Variants in SLC16A4 observed in about 807,000 individuals in gnomAD.
The protein encoded by SLC16A4 is probable monocarboxylate transporter 5.
Under a neutral mutation model 47.9 loss-of-function variants are expected in SLC16A4, and 39 were observed. The observed-to-expected ratio is 0.81, with a 90% confidence interval of 0.63 to 1.06. The LOEUF (loss-of-function observed/expected upper bound fraction) is 1.06. Ranked by LOEUF, SLC16A4 falls within the 50% of genes least tolerant of loss-of-function variation. The probability of loss-of-function intolerance (pLI) is 0.00; values close to 1 mark genes in which losing one functional copy is unlikely to be tolerated. For synonymous variants in SLC16A4, 189 were observed against 199.9 expected (o/e 0.95, Z 0.46); for missense variants, 524 against 573.8 (o/e 0.91, Z 0.89).
chr1:110,378,987 G>A lies in SLC16A4; in HGVS notation c.896C>T (p.Pro299Leu), dbSNP rs1239495322. The A allele has an allele frequency of 1.9e-6, 3 of 1,614,130 alleles. No homozygotes were observed. Among genetic ancestry groups the A allele is most frequent in the South Asian group, 2.2e-5 (2 of 91,086 alleles). ...QLFDISLFRN[P>L]FFYIFTWSFL... ...AGACCAAGTAAATATGTAGAAGAAAGGATTTCTAAAGAGAGAAATGTCAAA... is the reference window on the plus strand; with the variant it reads ...AGACCAAGTAAATATGTAGAAGAAAAGATTTCTAAAGAGAGAAATGTCAAA... The change falls in exon 6 of 9, where the codon CCT becomes CTT. Residue 299 changes from proline (P) to leucine (L), a missense_variant. By Grantham distance (98) the Pro-to-Leu change is moderately conservative. Coordinates refer to ENST00000369779, the MANE Select transcript of SLC16A4 (RefSeq NM_004696.3).
rs769121356 is a variant in SLC16A4 at position 110,363,746 on chromosome 1, T to A, written c.*20A>T. 1 of 1,590,772 alleles carries A rather than the reference T, an allele frequency of 6.3e-7. No homozygotes were observed. Among genetic ancestry groups the A allele is most frequent in the South Asian group, 1.2e-5 (1 of 85,588 alleles). On this transcript the variant is annotated 3_prime_UTR_variant, in exon 9 of 9. Coordinates refer to ENST00000369779, the MANE Select transcript of SLC16A4 (RefSeq NM_004696.3). ...GGTTTTCTTTTGTTTAGCTCTCACT[T>A]GATTGCAGTCTTCTTTCTTTCAGGT...
intron 8 of SLC16A4, among the ~76,000 whole-genome samples, 195 bp from the exon 9 acceptor site, chr1:110,364,088 A>G (rs966065322): frequency 5.9e-5 from 9 of 152,180 alleles, no homozygotes; most frequent in Non-Finnish European, 1.3e-4. Context: ...ACCATCTCCA[A>G]TCTTACAGTG....
Position 110,383,813 on chromosome 1 carries a change from T to TTTG in SLC16A4, c.88-848_88-847insCAA, listed in dbSNP as rs1553230780. Among the ~76,000 whole-genome samples the TTTG allele has an allele frequency of 2.3e-3, 244 of 106,710 alleles. 1 individual carries two copies. Among genetic ancestry groups the TTTG allele is most frequent in the Non-Finnish European group, 4.2e-3 (207 of 49,842 alleles). The allele number at this position is 106,710 out of a possible 152,430, so 70.0% of individuals were successfully genotyped here. Reference sequence around the variant, plus strand: ...AGGGCTGTTAAAAGGAGGTTTTTTTTTTTTTTTTTTTTTTTTTTTGGAAAC... The same window carrying TTTG: ...AGGGCTGTTAAAAGGAGGTTTTTTTTTTGTTTTTTTTTTTTTTTTTTTGGAAAC... On this transcript the variant is annotated intron_variant, in intron 2 of 8. Transcript: ENST00000369779.
At chr1:110,377,276 A>G in intron 6 of SLC16A4, 115 bp from the exon 7 acceptor site, 2 of 800,006 alleles carry the variant, frequency 2.5e-6, no homozygotes, top group Non-Finnish European at 4.0e-6. Flanking sequence ...ATGTGAGGAA[A>G]AAAATGATTT....
chr1:110,363,198 G>T lies in SLC16A4; in HGVS notation c.*568C>A, dbSNP rs1200957351. On this transcript the variant is annotated 3_prime_UTR_variant, in exon 9 of 9. Coordinates refer to ENST00000369779, the MANE Select transcript of SLC16A4 (RefSeq NM_004696.3). ...GTTTGGATTTATTATGGTACATTCC[G>T]ATTTCTATTTAATACATAAGGTACC... 1 of 152,142 alleles carries T rather than the reference G, an allele frequency of 6.6e-6. No homozygotes were observed. Among genetic ancestry groups the T allele is most frequent in the Non-Finnish European group, 1.5e-5 (1 of 68,048 alleles). 9.4% of individuals were successfully genotyped at this position (152,142 alleles called of 1,614,324 possible).
At chr1:110,372,690 G>A (rs1661746896) in intron 8 of SLC16A4, 1 of 152,182 alleles carries the variant, frequency 6.6e-6, no homozygotes, top group Non-Finnish European at 1.5e-5. Context: ...TAAGATACTA[G>A]GAGCACGTCC....
intron 2 of SLC16A4, 97 bp downstream of exon 2, chr1:110,389,140 G>T: frequency 4.7e-6 from 5 of 1,064,010 alleles, no homozygotes; most frequent in African/African-American, 1.6e-5. Context: ...AGATGCCAAA[G>T]ATTTCCTAAG....
Position 110,379,261 on chromosome 1 carries a change from T to A in SLC16A4, c.622A>T (p.Ile208Phe), listed in dbSNP as rs929737839. The A allele has an allele frequency of 1.2e-6, 2 of 1,614,070 alleles. No individual in the cohort carries two copies. Among genetic ancestry groups the A allele is most frequent in the Non-Finnish European group, 1.7e-6 (2 of 1,180,036 alleles). ...GACAAACTGCTGCCTTTATCTTTAA[T>A]ACCAGAATTGTTCTCACTTTTGATA... ...IHIKSENNSG[I>F]KDKGSSLSAH... Residue 208 changes from isoleucine (I) to phenylalanine (F), a missense_variant, in exon 6 of 9, where the codon ATT (isoleucine) becomes TTT (phenylalanine). Ile to Phe is a conservative substitution (Grantham distance 21). Coordinates refer to ENST00000369779, the MANE Select transcript of SLC16A4 (RefSeq NM_004696.3).
At chr1:110,386,634 T>A (rs1340709542) in intron 2 of SLC16A4, among the ~76,000 whole-genome samples, 1 of 152,226 alleles carries the variant, frequency 6.6e-6, no homozygotes, top group Non-Finnish European at 1.5e-5. Context: ...AATTATTGTC[T>A]GGGAAAGGAG....
At chr1:110,369,104 A>G (rs984062444) in intron 8 of SLC16A4, among the ~76,000 whole-genome samples, 2 of 151,768 alleles carry the variant, frequency 1.3e-5, no homozygotes, top group Non-Finnish European at 2.9e-5. Context: ...ACAGGTGCAC[A>G]CCACTACGCC....
intron 2 of SLC16A4, among the ~76,000 whole-genome samples, chr1:110,383,805 G>GTTTTTT (rs71096348): frequency 1.4e-4 from 9 of 65,760 alleles, no homozygotes; most frequent in South Asian, 1.2e-3. Flanking sequence ...TTAAAAGGAG[G>GTTTTTT]TTTTTTTTTT....
At chr1:110,382,624 GCTTT>G (rs1292385046) in intron 3 of SLC16A4, among the ~76,000 whole-genome samples, 2 of 152,144 alleles carry the variant, frequency 1.3e-5, no homozygotes, top group African/African-American at 4.8e-5. Context: ...TAATTCCTCA[GCTTT>G]CTTTGTTTGA....
Position 110,363,503 on chromosome 1 carries a change from G to T in SLC16A4, c.*263C>A. On this transcript the variant is annotated 3_prime_UTR_variant, in exon 9 of 9. Coordinates refer to ENST00000369779, the MANE Select transcript of SLC16A4 (RefSeq NM_004696.3). Reference sequence around the variant, plus strand: ...TAGCTGGGTGTGGTGGCGTGTGCCTGTAGTCCCAGCTACTTGGGAGGCTGA... The same window carrying T: ...TAGCTGGGTGTGGTGGCGTGTGCCTTTAGTCCCAGCTACTTGGGAGGCTGA... 4.6e-6 allele frequency: 1 copy of T among 216,652 alleles called. No individual in the cohort carries two copies. The highest frequency in any genetic ancestry group is 9.1e-6 in the Non-Finnish European group (1 of 109,746). The allele number at this position is 216,652 out of a possible 1,614,324, so 13.4% of individuals were successfully genotyped here. A position where few individuals can be genotyped will look rare whatever the true frequency, so the allele number is the denominator to read the frequency against.
At chr1:110,381,173 A>T (rs1249531533) in intron 4 of SLC16A4, 30 bp from the exon 5 acceptor site, 1 of 1,600,958 alleles carries the variant, frequency 6.2e-7, no homozygotes, top group Admixed American at 1.7e-5. Flanking sequence ...GTTTAGAATC[A>T]CTCTTACATT....
At chr1:110,371,629 T>C (rs567445684) in intron 8 of SLC16A4, 2 of 152,364 alleles carry the variant, frequency 1.3e-5, no homozygotes, top group Non-Finnish European at 2.9e-5. Context: ...CTTCCATCTT[T>C]GTGCCAGTGT....
At chr1:110,384,248 C>T (rs1662609187) in intron 2 of SLC16A4, among the ~76,000 whole-genome samples, 1 of 152,176 alleles carries the variant, frequency 6.6e-6, no homozygotes, top group Admixed American at 6.5e-5. Flanking sequence ...TTTAACTCTG[C>T]TGCTGAGCTG....
Position 110,380,973 on chromosome 1 carries a change from A to G in SLC16A4, c.526+9T>C. 1 of 1,612,766 alleles carries G rather than the reference A, an allele frequency of 6.2e-7. No individual in the cohort carries two copies. The highest frequency in any genetic ancestry group is 8.5e-7 in the Non-Finnish European group (1 of 1,178,916). On this transcript the variant is annotated intron_variant, in intron 5 of 8. Coordinates refer to ENST00000369779, the MANE Select transcript of SLC16A4 (RefSeq NM_004696.3). ...ACAGTTGATAGTAAATAAACTTAGA[A>G]TGACGTACCTGTCCAGTCATACAGA...
chr1:110,381,382 C>T (rs779264421), intron 4 of SLC16A4, among the ~76,000 whole-genome samples: 19 of 152,160 alleles, frequency 1.2e-4, no homozygotes, highest in Non-Finnish European at 1.8e-4. Flanking sequence ...AGTGCAGTGG[C>T]ACAATCTCGG....
rs762299447 is a variant in SLC16A4 at position 110,378,996 on chromosome 1, AAG to A, written c.885_886del (p.Phe296Ter). 13 of 1,614,122 alleles carry A rather than the reference AAG, an allele frequency of 8.1e-6. No homozygotes were observed. The highest frequency in any genetic ancestry group is 2.7e-5 in the African/African-American group (2 of 74,944). On this transcript the variant is annotated frameshift_variant, in exon 6 of 9. Transcript: ENST00000369779. LOFTEE classifies it high-confidence loss of function. ...AAATATGTAGAAGAAAGGATTTCTA[AAG>A]AGAGAAATGTCAAACAGTTGTTTGC...
Sources: allele counts gnomAD v4.1 joint callset (sites outside exome capture counted in the v4.1 genomes callset), GRCh38; gene constraint gnomAD v4.1.1; transcripts MANE v1.5; gene names NCBI Gene and HGNC (gene_info 2026-07-23, HGNC 2026-07-21).